The following CDK13 variants were observed in gnomAD, a reference collection of about 807,000 sequenced individuals.
CDK13 encodes cyclin dependent kinase 13.
In CDK13, 40 loss-of-function variants were observed where a neutral mutation model predicts 137.6. The observed-to-expected ratio is 0.29, with a 90% CI of 0.23 to 0.38. The LOEUF is 0.38. Among genes scored for constraint, CDK13 ranks in the 10% least tolerant of loss-of-function variants. The pLI is 1.00. For synonymous variants in CDK13, 869 were observed against 760.1 expected (o/e 1.14, Z -2.36); for missense variants, 1,704 against 1,951.8 (o/e 0.87, Z 2.39).
rs1466340293 is a variant in CDK13, at chr7:40,001,853, CT to C, written c.2183-6del. 1 of 1,562,742 alleles carries C rather than the reference CT, an allele frequency of 6.4e-7. No individual in the cohort carries two copies. Among genetic ancestry groups the C allele is most frequent in the Non-Finnish European group, 8.8e-7 (1 of 1,141,134 alleles). ...CTGGTAACCTGATTTTATTAAATTC[CT>C]TAATAGGAGAAATGGTAGCCTTAAA... On this transcript the variant is annotated splice_polypyrimidine_tract_variant and splice_region_variant and intron_variant, in intron 4 of 13. Transcript: ENST00000181839.
chr7:40,063,193 GAAC>G (rs1786194280), intron 9 of CDK13, 93 bp downstream of exon 9: 3 of 918,800 alleles, frequency 3.3e-6, no homozygotes, highest in South Asian at 1.4e-5. Flanking sequence ...TTCAGGAAGA[GAAC>G]AACATGGTTC....
In CDK13 at chr7:40,048,676, T is replaced by C. The variant is rs1042852959; in HGVS notation, c.2600+799T>C. 8 of 147,762 alleles carry C rather than the reference T, an allele frequency of 5.4e-5. No individual in the cohort carries two copies. In the South Asian group the frequency reaches 6.2e-4, roughly 11 times the overall value. The allele number at this position is 147,762 out of a possible 1,614,324, so 9.2% of individuals were successfully genotyped here. On this transcript the variant is annotated intron_variant, in intron 7 of 13. Coordinates refer to ENST00000181839, the MANE Select transcript of CDK13 (RefSeq NM_003718.5). ...TTTAATATAATGAAACATCAGTTGATTGCAGTCTTAGGAATAGATGTTTAC... is the reference window on the plus strand; with the variant it reads ...TTTAATATAATGAAACATCAGTTGACTGCAGTCTTAGGAATAGATGTTTAC...
intron 1 of CDK13, among the ~76,000 whole-genome samples, chr7:39,983,850 A>G (rs1784281181): frequency 6.6e-6 from 1 of 152,142 alleles, no homozygotes; most frequent in South Asian, 2.1e-4. Context: ...TTATTTCACA[A>G]CCAGCTTACA....
At chr7:40,009,109 A>T (rs1784847191) in intron 5 of CDK13, among the ~76,000 whole-genome samples, 2 of 152,248 alleles carry the variant, frequency 1.3e-5, no homozygotes, top group Admixed American at 6.5e-5. Flanking sequence ...AGAAAATAAG[A>T]TGACCCAGAT....
intron 5 of CDK13, among the ~76,000 whole-genome samples, chr7:40,042,296 G>C (rs1041638324): frequency 1.1e-4 from 16 of 151,764 alleles, no homozygotes; most frequent in African/African-American, 3.6e-4. Flanking sequence ...GGCCAGGCTG[G>C]TCTCGAACTC....
chr7:40,010,012 G>C (rs1056969054), intron 5 of CDK13, among the ~76,000 whole-genome samples: 11 of 152,144 alleles, frequency 7.2e-5, no homozygotes, highest in African/African-American at 2.7e-4. Flanking sequence ...TTGACACCAG[G>C]GACTGGTTTC....
At chr7:39,994,931 T>G (rs1784530724) in intron 2 of CDK13, among the ~76,000 whole-genome samples, 1 of 152,030 alleles carries the variant, frequency 6.6e-6, no homozygotes, top group South Asian at 2.1e-4. Context: ...AACTCTTCCT[T>G]GAATTTTTTT....
At chr7:40,065,469 A>T (rs1178540345) in intron 9 of CDK13, among the ~76,000 whole-genome samples, 2 of 149,622 alleles carry the variant, frequency 1.3e-5, no homozygotes, top group Non-Finnish European at 3.0e-5. Flanking sequence ...TTGATAGGCT[A>T]AAAAAAAAAT....
intron 5 of CDK13, among the ~76,000 whole-genome samples, chr7:40,040,798 T>C (rs567551574): frequency 1.3e-5 from 2 of 152,326 alleles, no homozygotes; most frequent in South Asian, 4.1e-4. Flanking sequence ...TTATATGTAA[T>C]ATTCTACTTT....
rs143947496 is a variant in CDK13 at position 39,994,888 on chromosome 7, T to G, written c.1872-2606T>G. Reference sequence around the variant, plus strand: ...CGTTATTCTTAGACAAATTTTATAATCAGGTTGTCAAGTTGTATTTAAAAA... The same window carrying G: ...CGTTATTCTTAGACAAATTTTATAAGCAGGTTGTCAAGTTGTATTTAAAAA... On this transcript the variant is annotated intron_variant, in intron 2 of 13. Transcript: ENST00000181839. 3.3e-5 allele frequency among the ~76,000 whole-genome samples: 5 copies of G among 152,062 alleles called. No individual in the cohort carries two copies. In the East Asian group the frequency reaches 9.6e-4, roughly 29 times the overall value.
chr7:40,081,640 T>C (rs575049453), intron 11 of CDK13, among the ~76,000 whole-genome samples: 44 of 152,240 alleles, frequency 2.9e-4, no homozygotes, highest in Non-Finnish European at 4.3e-4. Flanking sequence ...AAAGCTCTTT[T>C]CTTGATTAAA....
chr7:39,981,015 C>A (rs1784211822), intron 1 of CDK13, among the ~76,000 whole-genome samples: 1 of 152,082 alleles, frequency 6.6e-6, no homozygotes, highest in Non-Finnish European at 1.5e-5. Flanking sequence ...ACATCACAAG[C>A]AAGAAACAGG....
At chr7:40,054,196 A>G (rs1785958813) in intron 7 of CDK13, among the ~76,000 whole-genome samples, 1 of 152,076 alleles carries the variant, frequency 6.6e-6, no homozygotes, top group East Asian at 1.9e-4. Flanking sequence ...GCATCCTCCA[A>G]ATATATTTTT....
chr7:40,048,451 A>T (rs1018338820), intron 7 of CDK13: 1 of 152,190 alleles, frequency 6.6e-6, no homozygotes, highest in Non-Finnish European at 1.5e-5. Context: ...GGGATTTCAA[A>T]ATAAAATATT....
chr7:40,051,184 A>G (rs1040241202), intron 7 of CDK13, among the ~76,000 whole-genome samples: 2 of 152,048 alleles, frequency 1.3e-5, no homozygotes, highest in African/African-American at 2.4e-5. Context: ...AATGTATAAG[A>G]GGAAAATTCA....
chr7:39,966,396 C>T (rs999815014), intron 1 of CDK13, among the ~76,000 whole-genome samples: 2 of 152,188 alleles, frequency 1.3e-5, no homozygotes, highest in African/African-American at 2.4e-5. Flanking sequence ...TCCAGTTGAT[C>T]GAATCAGCTA....
chr7:40,069,491 A>T (rs1480929483), intron 9 of CDK13: 1 of 326,168 alleles, frequency 3.1e-6, no homozygotes, highest in Non-Finnish European at 6.2e-6. Flanking sequence ...AAAGTAAAAG[A>T]GGACTGATAA....
At chr7:39,972,815 T>C (rs944269188) in intron 1 of CDK13, among the ~76,000 whole-genome samples, 2 of 152,214 alleles carry the variant, frequency 1.3e-5, no homozygotes, top group African/African-American at 4.8e-5. Context: ...AGCATATATC[T>C]AGGAGTAGAA....
intron 1 of CDK13, among the ~76,000 whole-genome samples, chr7:39,957,312 G>GATAAAAGTTAGTTTTTTTATC (rs567959157): frequency 0.27 from 40,393 of 151,322 alleles, 6,463 homozygotes; most frequent in Middle Eastern, 0.44. Flanking sequence ...TTTTTTTCCT[G>GATAAAAGTTAGTTTTTTTATC]TGCCCCCACA....
Sources: allele counts gnomAD v4.1 joint callset (sites outside exome capture counted in the v4.1 genomes callset), GRCh38; gene constraint gnomAD v4.1.1; transcripts MANE v1.5; gene names NCBI Gene and HGNC (gene_info 2026-07-23, HGNC 2026-07-21).